The following SLC38A6 variants were observed in gnomAD, a reference collection of about 807,000 sequenced individuals.
SLC38A6 encodes the protein N system amino acid transporter NAT-1.
Under a neutral mutation model 65.0 loss-of-function variants are expected in SLC38A6, and 73 were observed. The ratio of observed to expected loss-of-function variants is 1.12; its 90% CI spans 0.93 to 1.37. SLC38A6 has a LOEUF of 1.37. Ranked by LOEUF, SLC38A6 falls within the 40% of genes most tolerant of loss-of-function variation. The probability of loss-of-function intolerance (pLI) is 0.00; values close to 1 mark genes in which losing one functional copy is unlikely to be tolerated. For synonymous variants in SLC38A6, 183 were observed against 178.8 expected (o/e 1.02, Z -0.19); for missense variants, 561 against 531.1 (o/e 1.06, Z -0.55).
chr14:61,039,044 C>T (rs2041602562), intron 8 of SLC38A6, among the ~76,000 whole-genome samples: 2 of 152,146 alleles, frequency 1.3e-5, no homozygotes, highest in Admixed American at 1.3e-4. Context: ...ATTTTTCTCT[C>T]ACAGATAATT....
At chr14:61,012,558 T>C (rs559338653) in intron 3 of SLC38A6, among the ~76,000 whole-genome samples, 2 of 152,340 alleles carry the variant, frequency 1.3e-5, no homozygotes, top group East Asian at 3.9e-4. Flanking sequence ...GCTTTGAATG[T>C]GTCCCAGAGA....
chr14:61,071,694 A>G (rs1359878625), intron 15 of SLC38A6, among the ~76,000 whole-genome samples: 1 of 152,024 alleles, frequency 6.6e-6, no homozygotes, highest in Non-Finnish European at 1.5e-5. Context: ...AAAAAAAAAA[A>G]AGGAAAAAAG....
At chr14:61,015,457 C>G (rs1398946633) in intron 3 of SLC38A6, among the ~76,000 whole-genome samples, 1 of 152,072 alleles carries the variant, frequency 6.6e-6, no homozygotes, top group Non-Finnish European at 1.5e-5. Flanking sequence ...CAGAAATCAC[C>G]CATCTTCTGT....
At chr14:60,988,189 A>G (rs924727291) in intron 3 of SLC38A6, among the ~76,000 whole-genome samples, 2 of 152,056 alleles carry the variant, frequency 1.3e-5, no homozygotes, top group Non-Finnish European at 2.9e-5. Flanking sequence ...TTTTCTCTTT[A>G]TGTCTCTCAT....
At chr14:61,023,588 AAT>A (rs1555352627) in intron 5 of SLC38A6, among the ~76,000 whole-genome samples, 4 of 23,370 alleles carry the variant, frequency 1.7e-4, no homozygotes, top group East Asian at 1.9e-3. Flanking sequence ...TAATAATAAT[AAT>A]ATATATATAT....
At chr14:61,080,434 T>A (rs1487407319) in intron 16 of SLC38A6, among the ~76,000 whole-genome samples, 3 of 152,204 alleles carry the variant, frequency 2.0e-5, no homozygotes, top group African/African-American at 7.2e-5. Flanking sequence ...GCTGACTCTC[T>A]CCTTTGGAAA....
chr14:61,007,706 T>TTTGTTTAATCTCATGCCTCA (rs11274436), intron 3 of SLC38A6, among the ~76,000 whole-genome samples: 2 of 152,014 alleles, frequency 1.3e-5, no homozygotes, highest in Non-Finnish European at 2.9e-5. Context: ...AACACCGATA[T>TTTGTTTAATCTCATGCCTCA]AAGTGACATA....
chr14:60,992,636 G>A (rs1010780732), intron 3 of SLC38A6, among the ~76,000 whole-genome samples: 5 of 151,920 alleles, frequency 3.3e-5, no homozygotes, highest in African/African-American at 1.2e-4. Context: ...CTGAGTGTGA[G>A]GTGGGAAATA....
intron 16 of SLC38A6, among the ~76,000 whole-genome samples, chr14:61,079,507 C>T (rs1035032058): frequency 4.6e-5 from 7 of 152,102 alleles, no homozygotes; most frequent in South Asian, 2.1e-4. Context: ...GTTTCTTCTC[C>T]CTCAAAACCT....
intron 15 of SLC38A6, among the ~76,000 whole-genome samples, chr14:61,061,519 G>A (rs550883244): frequency 1.4e-4 from 21 of 152,166 alleles, no homozygotes; most frequent in Non-Finnish European, 2.4e-4. Context: ...GTACCTGCTC[G>A]TCTTTGTACA....
In SLC38A6 at chr14:61,052,571, G is replaced by A; in HGVS notation, c.*142G>A. On this transcript the variant is annotated 3_prime_UTR_variant, in exon 16 of 16. Transcript: ENST00000267488. Reference sequence around the variant, plus strand: ...GCAGAACAAAATGGCAGTGGGTATGGGGAAGTAAGAGTGTGGCAGTTTTAA... The same window carrying A: ...GCAGAACAAAATGGCAGTGGGTATGAGGAAGTAAGAGTGTGGCAGTTTTAA... The A allele has an allele frequency of 3.2e-6, 4 of 1,232,556 alleles. No individual in the cohort carries two copies. Among genetic ancestry groups the A allele is most frequent in the Non-Finnish European group, 4.2e-6 (4 of 946,388 alleles). The allele number at this position is 1,232,556 out of a possible 1,614,324, so 76.4% of individuals were successfully genotyped here. A position where few individuals can be genotyped will look rare whatever the true frequency, so the allele number is the denominator to read the frequency against.
intron 6 of SLC38A6, among the ~76,000 whole-genome samples, chr14:61,031,969 A>C (rs916751003): frequency 2.0e-5 from 3 of 151,944 alleles, no homozygotes; most frequent in African/African-American, 7.2e-5. Context: ...GGGGGTACCA[A>C]TATTGCCTTC....
intron 5 of SLC38A6, among the ~76,000 whole-genome samples, chr14:61,026,902 C>T (rs758020454): frequency 1.3e-5 from 2 of 152,082 alleles, no homozygotes; most frequent in Non-Finnish European, 2.9e-5. Flanking sequence ...AAGATGTTAG[C>T]TGTTTTCATG....
intron 6 of SLC38A6, among the ~76,000 whole-genome samples, chr14:61,033,662 T>C (rs1375329612): frequency 6.6e-6 from 1 of 152,146 alleles, no homozygotes; most frequent in Non-Finnish European, 1.5e-5. Context: ...TTCTGTTCTT[T>C]AGAAAATATC....
intron 3 of SLC38A6, among the ~76,000 whole-genome samples, chr14:60,997,087 T>C (rs1345521261): frequency 6.6e-6 from 1 of 152,158 alleles, no homozygotes; most frequent in African/African-American, 2.4e-5. Flanking sequence ...GCAGCAGATC[T>C]AAGCACCATC....
intron 6 of SLC38A6, 151 bp downstream of exon 6, chr14:61,030,674 A>C (rs1341843011): frequency 1.8e-6 from 1 of 563,850 alleles, no homozygotes; most frequent in Admixed American, 3.3e-5. Context: ...TGAAGCAGTA[A>C]TAGAATAGAA....
chr14:61,064,597 T>G (rs928020768), intron 15 of SLC38A6, among the ~76,000 whole-genome samples: 1 of 148,036 alleles, frequency 6.8e-6, no homozygotes, highest in African/African-American at 2.5e-5. Flanking sequence ...GTCACAACTT[T>G]CTCTGTGCAT....
At chr14:61,044,214 G>A (rs2041994466) in intron 10 of SLC38A6, among the ~76,000 whole-genome samples, 1 of 152,166 alleles carries the variant, frequency 6.6e-6, no homozygotes, top group South Asian at 2.1e-4. Flanking sequence ...ATAGTTCCCA[G>A]ATGCTAGAAT....
intron 15 of SLC38A6, among the ~76,000 whole-genome samples, chr14:61,076,880 A>G (rs905915281): frequency 8.5e-5 from 13 of 152,236 alleles, no homozygotes; most frequent in South Asian, 2.1e-4. Context: ...GTAGTTGTCA[A>G]CTAGACTGAG....
Sources: allele counts gnomAD v4.1 joint callset (sites outside exome capture counted in the v4.1 genomes callset), GRCh38; gene constraint gnomAD v4.1.1; transcripts MANE v1.5; gene names NCBI Gene and HGNC (gene_info 2026-07-23, HGNC 2026-07-21).